Variants in OPCML observed in about 807,000 individuals in gnomAD.
OPCML encodes the protein opioid binding protein/cell adhesion molecule like.
A neutral mutation model predicts 37.8 loss-of-function variants in OPCML; 13 were observed. That is an observed-to-expected ratio of 0.34 (90% CI 0.22 to 0.55). The LOEUF is 0.55. OPCML is among the 20% of genes least tolerant of loss of function. OPCML has a pLI of 0.91. For synonymous variants in OPCML, 176 were observed against 168.8 expected, an observed-to-expected ratio of 1.04 and a Z score of -0.33; for missense variants, 341 against 435.6, an observed-to-expected ratio of 0.78 and a Z score of 1.93.
At chr11:132,553,789 C>T (rs962319580) in intron 3 of OPCML, among the ~76,000 whole-genome samples, 10 of 152,152 alleles carry the variant, frequency 6.6e-5, no homozygotes, top group East Asian at 1.9e-4. Flanking sequence ...ACGTTTTCCC[C>T]GGATTCCCCC....
chr11:133,345,011 C>A (rs1452049449), intron 1 of OPCML, among the ~76,000 whole-genome samples: 1 of 152,176 alleles, frequency 6.6e-6, no homozygotes, highest in East Asian at 1.9e-4. Flanking sequence ...TTACCATCAC[C>A]CTCTGCGTGA....
intron 1 of OPCML, among the ~76,000 whole-genome samples, chr11:133,495,621 T>C (rs113635654): frequency 2.0e-5 from 3 of 152,222 alleles, no homozygotes; most frequent in Admixed American, 6.5e-5. Context: ...TGGTATCGCA[T>C]TGTGGTTCTG....
At chr11:132,716,507 G>T (rs536679559) in intron 2 of OPCML, among the ~76,000 whole-genome samples, 57 of 152,034 alleles carry the variant, frequency 3.7e-4, no homozygotes, top group African/African-American at 1.3e-3. Context: ...AATGCCAATT[G>T]AAAACCCCTG....
intron 1 of OPCML, among the ~76,000 whole-genome samples, chr11:133,279,804 C>T (rs1442727379): frequency 6.6e-6 from 1 of 152,078 alleles, no homozygotes; most frequent in Non-Finnish European, 1.5e-5. Flanking sequence ...AAACTCTACC[C>T]ATAAAGAATA....
chr11:133,431,791 T>C (rs11223471), intron 1 of OPCML, among the ~76,000 whole-genome samples: 38,380 of 147,650 alleles, frequency 0.26, 6,429 homozygotes, highest in East Asian at 0.5. Flanking sequence ...TATATATATA[T>C]ATAAAATATT....
chr11:133,384,151 T>A (rs1944988938), intron 1 of OPCML, among the ~76,000 whole-genome samples: 1 of 146,394 alleles, frequency 6.8e-6, no homozygotes, highest in Non-Finnish European at 1.5e-5. Context: ...ATGACTGAAT[T>A]AGCAACAATG....
At chr11:132,645,479 G>C (rs1408511864) in intron 3 of OPCML, among the ~76,000 whole-genome samples, 1 of 152,212 alleles carries the variant, frequency 6.6e-6, no homozygotes, top group Admixed American at 6.5e-5. Flanking sequence ...TTGTGAAAGA[G>C]AGACTTCTAT....
At chr11:132,827,655 G>C (rs1423101617) in intron 2 of OPCML, among the ~76,000 whole-genome samples, 2 of 152,112 alleles carry the variant, frequency 1.3e-5, no homozygotes, top group Non-Finnish European at 2.9e-5. Flanking sequence ...TTGCTTGTTT[G>C]TTGAGATGGA....
chr11:133,526,695 G>A (rs993098975), intron 1 of OPCML, among the ~76,000 whole-genome samples: 1 of 152,184 alleles, frequency 6.6e-6, no homozygotes, highest in African/African-American at 2.4e-5. Context: ...TACTGTGTTA[G>A]AACCATCCCC....
intron 2 of OPCML, among the ~76,000 whole-genome samples, chr11:132,925,517 G>A (rs1307760237): frequency 1.3e-5 from 2 of 152,168 alleles, no homozygotes; most frequent in African/African-American, 4.8e-5. Flanking sequence ...AACCTGGTGG[G>A]GCTTCTGGAG....
At position 133,212,417 on chromosome 11, in the gene OPCML, C is replaced by T. The variant is rs1394940507; in HGVS notation, c.62-269407G>A. On this transcript the variant is annotated intron_variant, in intron 1 of 7. Coordinates refer to ENST00000524381, the MANE Select transcript of OPCML (RefSeq NM_001012393.5). This position sits in a 1 kb window ranked among gnomAD's most constrained non-coding sequence, Gnocchi z 4.9. ...TCAAATACATCAAGAATTTCGTATG[C>T]CCTGCTTCCACTTCCTGGAAAGCTC... Among the ~76,000 whole-genome samples, 1 of 152,188 alleles carries T rather than the reference C, an allele frequency of 6.6e-6. No homozygotes were observed. Among genetic ancestry groups the T allele is most frequent in the Non-Finnish European group, 1.5e-5 (1 of 68,028 alleles).
At chr11:132,647,594 G>A (rs1459128514) in intron 3 of OPCML, among the ~76,000 whole-genome samples, 1 of 152,084 alleles carries the variant, frequency 6.6e-6, no homozygotes, top group African/African-American at 2.4e-5. Context: ...AAATAATAAG[G>A]AAGAGAAAAT....
At chr11:133,140,787 CGAAG>C (rs1565467929) in intron 1 of OPCML, among the ~76,000 whole-genome samples, 3 of 118,860 alleles carry the variant, frequency 2.5e-5, no homozygotes, top group African/African-American at 1.1e-4. Flanking sequence ...AAGAAGACGA[CGAAG>C]AAGAAGAAGA....
chr11:133,210,908 C>A (rs1939328853), intron 1 of OPCML, among the ~76,000 whole-genome samples: 1 of 152,102 alleles, frequency 6.6e-6, no homozygotes. Flanking sequence ...GGTCTCTTGA[C>A]ACTTATTGGT....
Position 132,826,686 on chromosome 11 carries a change from A to G in OPCML, c.146+116240T>C, listed in dbSNP as rs149045849. Among the ~76,000 whole-genome samples the G allele has an allele frequency of 5.3e-5, 8 of 152,306 alleles. No homozygotes were observed. In the East Asian group the frequency reaches 7.7e-4, roughly 15 times the overall value. ...AAAGATAATTCTCTTAATTTACCCT[A>G]TACTGCATTATGACCACAAGATTTC... is the stretch of plus-strand genomic sequence containing the variant. On this transcript the variant is annotated intron_variant, in intron 2 of 7. Transcript: ENST00000524381.
intron 1 of OPCML, among the ~76,000 whole-genome samples, chr11:133,254,932 G>T (rs1302423639): frequency 6.6e-6 from 1 of 152,054 alleles, no homozygotes; most frequent in South Asian, 2.1e-4. Flanking sequence ...GGGAAGAATC[G>T]GGCAAACAGA....
At chr11:133,104,367 C>T (rs1368426913) in intron 1 of OPCML, among the ~76,000 whole-genome samples, 1 of 152,158 alleles carries the variant, frequency 6.6e-6, no homozygotes, top group Non-Finnish European at 1.5e-5. Flanking sequence ...CAGAGTCTAG[C>T]TCACCCAAGC....
chr11:132,915,183 C>T (rs961303203), intron 2 of OPCML, among the ~76,000 whole-genome samples: 2 of 152,126 alleles, frequency 1.3e-5, no homozygotes, highest in Non-Finnish European at 2.9e-5. Flanking sequence ...CTGTTTCTTG[C>T]TTGTGTGTAA....
At chr11:133,203,427 G>T (rs1938889308) in intron 1 of OPCML, among the ~76,000 whole-genome samples, 1 of 152,188 alleles carries the variant, frequency 6.6e-6, no homozygotes, top group African/African-American at 2.4e-5. Flanking sequence ...GAGGCCAGGA[G>T]TATCTTCGCC....
Sources: gnomAD v4.1 joint callset for allele counts (sites outside exome capture counted in the v4.1 genomes callset) on GRCh38, gnomAD v4.1.1 for gene constraint, Gnocchi (gnomAD v3.1) non-coding constraint, MANE v1.5 for transcripts, NCBI Gene and HGNC (gene_info 2026-07-23, HGNC 2026-07-21) for gene names.